C10orf90: variants seen among roughly 807,000 people sequenced by gnomAD.
C10orf90 encodes chromosome 10 open reading frame 90, also known as (E2-independent) E3 ubiquitin-conjugating enzyme FATS.
C10orf90 carries 56 observed loss-of-function variants against 62.5 expected under a neutral mutation model. The observed-to-expected ratio is 0.90, with a 90% CI of 0.72 to 1.12. C10orf90 has a LOEUF of 1.12. C10orf90 is among the 50% of genes most tolerant of loss of function. C10orf90 has a pLI of 0.00. For synonymous variants in C10orf90, 386 were observed against 340.4 expected (o/e 1.13, Z -1.47); for missense variants, 970 against 880.4 (o/e 1.10, Z -1.29).
chr10:126,645,608 GAAC>G (rs1313407288), intron 2 of C10orf90, among the ~76,000 whole-genome samples: 1 of 143,250 alleles, frequency 7.0e-6, no homozygotes, highest in African/African-American at 2.6e-5. Flanking sequence ...AAAAAAAAAA[GAAC>G]AAGCTGTAAA....
chr10:126,539,860 A>C (rs536346289), intron 2 of C10orf90, among the ~76,000 whole-genome samples: 1 of 152,214 alleles, frequency 6.6e-6, no homozygotes, highest in African/African-American at 2.4e-5. Flanking sequence ...AGAGGCAAGC[A>C]TTCCCAGGCT....
At chr10:126,544,110 A>G (rs2133969943) in intron 2 of C10orf90, among the ~76,000 whole-genome samples, 1 of 152,292 alleles carries the variant, frequency 6.6e-6, no homozygotes, top group Non-Finnish European at 1.5e-5. Context: ...AAATCTTACA[A>G]TTTTTTAATA....
At chr10:126,600,159 C>T (rs143088803) in intron 2 of C10orf90, among the ~76,000 whole-genome samples, 25 of 151,770 alleles carry the variant, frequency 1.6e-4, no homozygotes, top group Non-Finnish European at 2.8e-4. Context: ...CAAGTGTGTG[C>T]GTATCGCATG....
rs1859611393 is a variant in C10orf90, at chr10:126,456,777, A to G, written c.2188+2263T>C. ...ACGCAGGGAGGATGGCCATGTGGAG[A>G]CAGAGGCAGAGACTGTAGTGCCGCA... is the stretch of plus-strand genomic sequence containing the variant. On this transcript the variant is annotated intron_variant, in intron 7 of 9. Transcript: ENST00000488181. The surrounding 1 kb of genome is among the most constrained non-coding windows in gnomAD (Gnocchi z 4.9). 1.3e-5 allele frequency among the ~76,000 whole-genome samples: 2 copies of G among 152,094 alleles called. No homozygotes were observed. The highest frequency in any genetic ancestry group is 2.9e-5 in the Non-Finnish European group (2 of 68,012).
chr10:126,505,154 AG>A lies in C10orf90; in HGVS notation c.406-70del. ...AATATAGACAGTAAACTCTCTTTCA[AG>A]GGCCACCAGGATGCCAGAGCACTGG... On this transcript the variant is annotated intron_variant, in intron 3 of 9. Transcript: ENST00000488181. The A allele has an allele frequency of 2.0e-6, 3 of 1,482,004 alleles. No homozygotes were observed. In the East Asian group the frequency reaches 6.8e-5, roughly 34 times the overall value. The allele number at this position is 1,482,004 out of a possible 1,614,324, so 91.8% of individuals were successfully genotyped here.
intron 8 of C10orf90, among the ~76,000 whole-genome samples, chr10:126,429,059 T>C (rs1012648160): frequency 6.6e-6 from 1 of 152,208 alleles, no homozygotes; most frequent in Non-Finnish European, 1.5e-5. Context: ...TTTGATTTAA[T>C]TATGATAATT....
intron 4 of C10orf90, among the ~76,000 whole-genome samples, chr10:126,499,810 C>G (rs968221780): frequency 6.6e-6 from 1 of 152,286 alleles, no homozygotes; most frequent in African/African-American, 2.4e-5. Context: ...TAGATGTGGA[C>G]AGCGTATTCA....
chr10:126,533,399 C>T (rs548195842), intron 2 of C10orf90, among the ~76,000 whole-genome samples: 3 of 152,142 alleles, frequency 2.0e-5, no homozygotes, highest in Non-Finnish European at 2.9e-5. Context: ...GATAGCATTC[C>T]TACGTTCCTT....
At chr10:126,622,694 G>T (rs1012607403) in intron 2 of C10orf90, among the ~76,000 whole-genome samples, 4 of 152,120 alleles carry the variant, frequency 2.6e-5, no homozygotes, top group Non-Finnish European at 1.5e-5. Flanking sequence ...CTACTTAACA[G>T]TCTCCATTCC....
At chr10:126,595,618 C>A (rs1174918785) in intron 2 of C10orf90, among the ~76,000 whole-genome samples, 1 of 152,154 alleles carries the variant, frequency 6.6e-6, no homozygotes, top group Non-Finnish European at 1.5e-5. Context: ...CCGGTTCTGG[C>A]ATGGACTCAC....
intron 2 of C10orf90, among the ~76,000 whole-genome samples, chr10:126,526,930 G>C (rs1435486398): frequency 6.6e-6 from 1 of 152,140 alleles, no homozygotes; most frequent in Non-Finnish European, 1.5e-5. Context: ...TAATATTCCA[G>C]GGCATAGGTA....
At chr10:126,620,994 C>G (rs1163198524) in intron 2 of C10orf90, among the ~76,000 whole-genome samples, 2 of 152,104 alleles carry the variant, frequency 1.3e-5, no homozygotes, top group Non-Finnish European at 2.9e-5. Flanking sequence ...TTACTGCAAC[C>G]TCTTCATAAC....
At chr10:126,531,216 G>T (rs1864085827) in intron 2 of C10orf90, among the ~76,000 whole-genome samples, 1 of 151,418 alleles carries the variant, frequency 6.6e-6, no homozygotes, top group South Asian at 2.1e-4. Context: ...ACAGATCAAA[G>T]ATCTCTCATG....
chr10:126,597,125 C>G (rs991921349), intron 2 of C10orf90, among the ~76,000 whole-genome samples: 1 of 152,202 alleles, frequency 6.6e-6, no homozygotes, highest in Admixed American at 6.5e-5. Flanking sequence ...ATACAGTTCA[C>G]TTTGGAATAC....
intron 2 of C10orf90, among the ~76,000 whole-genome samples, chr10:126,565,417 T>TATTTTATATAATA (rs1844357772): frequency 1.3e-4 from 2 of 15,396 alleles, no homozygotes; most frequent in Non-Finnish European, 3.4e-4. Context: ...TAATATATAT[T>TATTTTATATAATA]ATATATATTA....
chr10:126,466,134 C>G (rs374764148), intron 4 of C10orf90, among the ~76,000 whole-genome samples: 1 of 152,142 alleles, frequency 6.6e-6, no homozygotes. Context: ...TTCAACCCCC[C>G]ATGCTGATGC....
intron 7 of C10orf90, among the ~76,000 whole-genome samples, chr10:126,444,272 C>T (rs1367472200): frequency 1.3e-5 from 2 of 151,842 alleles, no homozygotes; most frequent in Non-Finnish European, 2.9e-5. Context: ...CCTCAAAAAC[C>T]CTAAAGATCC....
chr10:126,538,158 T>C (rs1382180934), intron 2 of C10orf90, among the ~76,000 whole-genome samples: 1 of 152,124 alleles, frequency 6.6e-6, no homozygotes, highest in Non-Finnish European at 1.5e-5. Flanking sequence ...GAAAGGCACA[T>C]CCACATGGCG....
At chr10:126,640,466 T>A (rs1846038150) in intron 2 of C10orf90, among the ~76,000 whole-genome samples, 2 of 152,212 alleles carry the variant, frequency 1.3e-5, no homozygotes, top group Non-Finnish European at 2.9e-5. Flanking sequence ...ATTGAACCAC[T>A]TCTCCCTGCT....
Sources: allele counts gnomAD v4.1 joint callset (sites outside exome capture counted in the v4.1 genomes callset), GRCh38; gene constraint gnomAD v4.1.1; non-coding constraint Gnocchi (gnomAD v3.1); transcripts MANE v1.5; gene names NCBI Gene and HGNC (gene_info 2026-07-23, HGNC 2026-07-21).